The following EML4 variants were observed in gnomAD, a reference collection of about 807,000 sequenced individuals.
EML4 encodes the protein EMAP like 4.
A neutral mutation model predicts 129.0 loss-of-function variants in EML4; 72 were observed. The observed-to-expected ratio is 0.56, with a 90% CI of 0.46 to 0.68. The LOEUF (loss-of-function observed/expected upper bound fraction) is 0.68, where lower values mean the gene tolerates loss of function less well. Among genes scored for constraint, EML4 ranks in the 30% least tolerant of loss-of-function variants. EML4 has a pLI of 0.00. For synonymous variants in EML4, 532 were observed against 405.0 expected (o/e 1.31, Z -3.77); for missense variants, 1,363 against 1,190.6 (o/e 1.14, Z -2.13).
intron 1 of EML4, among the ~76,000 whole-genome samples, chr2:42,240,780 G>A (rs1466499079): frequency 1.3e-5 from 2 of 152,236 alleles, no homozygotes; most frequent in East Asian, 3.9e-4. Flanking sequence ...ATCATCCCAA[G>A]CCTGATGTAA....
At chr2:42,324,766 G>A (rs989401786) in intron 19 of EML4, among the ~76,000 whole-genome samples, 2 of 152,234 alleles carry the variant, frequency 1.3e-5, no homozygotes, top group African/African-American at 4.8e-5. Context: ...TATTGGAAAT[G>A]CTTAAGTGCT....
At chr2:42,264,182 T>A (rs1665922581) in intron 5 of EML4, among the ~76,000 whole-genome samples, 1 of 146,932 alleles carries the variant, frequency 6.8e-6, no homozygotes, top group Non-Finnish European at 1.5e-5. Flanking sequence ...ATCACTATCA[T>A]GTCTTACTGC....
Position 42,169,608 on chromosome 2 carries a change from C to G in EML4, c.-4C>G, listed in dbSNP as rs770558694. ...AGCCCGGAGCCCGGCGCTTTCCCCG[C>G]AAGATGGACGGTTTCGCCGGCAGTC... On this transcript the variant is annotated 5_prime_UTR_variant, in exon 1 of 23. Transcript: ENST00000318522. The G allele has an allele frequency of 6.3e-7, 1 of 1,599,598 alleles. No individual in the cohort carries two copies. Among genetic ancestry groups the G allele is most frequent in the South Asian group, 1.1e-5 (1 of 90,074 alleles).
At chr2:42,224,316 G>C (rs1673811128) in intron 1 of EML4, among the ~76,000 whole-genome samples, 2 of 152,048 alleles carry the variant, frequency 1.3e-5, no homozygotes, top group Admixed American at 6.6e-5. Flanking sequence ...GTAGTCTTTT[G>C]TCACTGGCTT....
At chr2:42,306,551 G>C (rs1276198759) in intron 17 of EML4, among the ~76,000 whole-genome samples, 1 of 123,900 alleles carries the variant, frequency 8.1e-6, no homozygotes, top group Non-Finnish European at 1.6e-5. Flanking sequence ...GGAGTGCAAT[G>C]GCATGATCTT....
intron 17 of EML4, among the ~76,000 whole-genome samples, chr2:42,313,246 G>T (rs1416159304): frequency 6.6e-6 from 1 of 152,084 alleles, no homozygotes; most frequent in South Asian, 2.1e-4. Context: ...ATGAGCCACC[G>T]CGCCTGGCTA....
chr2:42,325,841 G>T (rs1669781406), intron 20 of EML4, among the ~76,000 whole-genome samples: 1 of 151,232 alleles, frequency 6.6e-6, no homozygotes, highest in African/African-American at 2.4e-5. Flanking sequence ...ATAGTAATAA[G>T]AAATTACTCT....
intron 1 of EML4, among the ~76,000 whole-genome samples, chr2:42,209,474 C>G (rs1184039257): frequency 6.6e-6 from 1 of 152,110 alleles, no homozygotes; most frequent in African/African-American, 2.4e-5. Context: ...GATAATGTAA[C>G]TAGTAGGTGG....
chr2:42,175,890 A>T (rs1176965459), intron 1 of EML4, among the ~76,000 whole-genome samples: 1 of 152,168 alleles, frequency 6.6e-6, no homozygotes, highest in Non-Finnish European at 1.5e-5. Context: ...TGATGTTAAC[A>T]TGTTAATGTA....
intron 1 of EML4, among the ~76,000 whole-genome samples, chr2:42,174,910 C>T (rs1333603451): frequency 3.3e-5 from 5 of 151,426 alleles, no homozygotes; most frequent in African/African-American, 4.9e-5. Flanking sequence ...CTCCGCCTCC[C>T]GGGTTTAGGC....
In EML4 at chr2:42,220,053, C is replaced by A. The variant is rs112998558; in HGVS notation, c.26-25452C>A. Among the ~76,000 whole-genome samples the A allele has an allele frequency of 8.6e-4, 131 of 151,922 alleles. 2 individuals carry two copies. The highest frequency in any genetic ancestry group is 1.5e-3 in the Non-Finnish European group (99 of 67,976). Reference sequence around the variant, plus strand: ...GTCTTGAAGATTTATTTTGTTGCTGCACATTATTTTCACTCATAGTGTATG... The same window carrying A: ...GTCTTGAAGATTTATTTTGTTGCTGAACATTATTTTCACTCATAGTGTATG... On this transcript the variant is annotated intron_variant, in intron 1 of 22. Transcript: ENST00000318522.
At position 42,228,636 on chromosome 2, in the gene EML4, A is replaced by T. The variant is rs17029356; in HGVS notation, c.26-16869A>T. 1.0e-3 allele frequency among the ~76,000 whole-genome samples: 156 copies of T among 152,330 alleles called. 1 individual carries two copies. Among genetic ancestry groups the T allele is most frequent in the African/African-American group, 3.4e-3 (140 of 41,582 alleles). On this transcript the variant is annotated intron_variant, in intron 1 of 22. Transcript: ENST00000318522. ...ATTTCTCATGAGTATTTTGCTTTTAACAGAGAAATAACTTGCTCCAGAGAC... is the reference window on the plus strand; with the variant it reads ...ATTTCTCATGAGTATTTTGCTTTTATCAGAGAAATAACTTGCTCCAGAGAC...
chr2:42,254,880 C>T (rs1389083763), intron 2 of EML4, among the ~76,000 whole-genome samples: 1 of 151,930 alleles, frequency 6.6e-6, no homozygotes, highest in East Asian at 1.9e-4. Flanking sequence ...AAGGTGGAAA[C>T]AATCCAGATG....
At chr2:42,210,106 A>C (rs1411372087) in intron 1 of EML4, among the ~76,000 whole-genome samples, 3 of 152,114 alleles carry the variant, frequency 2.0e-5, no homozygotes, top group Non-Finnish European at 2.9e-5. Context: ...ACCCAATAAC[A>C]CATTGTATTA....
intron 1 of EML4, among the ~76,000 whole-genome samples, chr2:42,232,842 A>C (rs1674430389): frequency 6.6e-6 from 1 of 151,964 alleles, no homozygotes. Flanking sequence ...CTCCTGCCTC[A>C]GCCTCCCTAG....
intron 1 of EML4, among the ~76,000 whole-genome samples, chr2:42,183,020 G>T (rs1222960085): frequency 6.6e-6 from 1 of 152,122 alleles, no homozygotes; most frequent in Non-Finnish European, 1.5e-5. Flanking sequence ...GCCAGGCATG[G>T]TGGTGCACTC....
In EML4 at chr2:42,303,557, A is replaced by T. The variant is rs186471275; in HGVS notation, c.1899+111A>T. On this transcript the variant is annotated intron_variant, in intron 16 of 22. Coordinates refer to ENST00000318522, the MANE Select transcript of EML4 (RefSeq NM_019063.5). ...GTGTTGATTCAAACCAAATGTAAAC[A>T]TATGGTTTAGTAATAGAGGGTGGAG... The T allele has an allele frequency of 4.2e-4, 503 of 1,202,816 alleles. 3 individuals are homozygous for T. The African/African-American group carries it at 6.4e-3, about 15-fold the overall frequency. 74.5% of individuals were successfully genotyped at this position (1,202,816 alleles called of 1,614,324 possible).
At chr2:42,276,690 C>T (rs899509681) in intron 6 of EML4, among the ~76,000 whole-genome samples, 3 of 152,156 alleles carry the variant, frequency 2.0e-5, no homozygotes, top group African/African-American at 4.8e-5. Flanking sequence ...ACTTATAATT[C>T]CAAACAGTAG....
Position 42,261,191 on chromosome 2 carries a change from C to T in EML4, c.409C>T (p.Gln137Ter). The change falls in exon 4 of 23, where the codon CAA becomes TAA. Residue 137 changes from glutamine to a stop codon, truncating the protein, a stop_gained. Coordinates refer to ENST00000318522, the MANE Select transcript of EML4 (RefSeq NM_019063.5). LOFTEE classifies it high-confidence loss of function. ...AAAAGAGGAATCTCATTCTAATGAT[C>T]AAAGTCCACAAATTCGAGCATCACC... is the stretch of plus-strand genomic sequence containing the variant. The part of the protein sequence containing the change: ...EKKEESHSND[Q>*]SPQIRASPSP... The T allele has an allele frequency of 1.2e-6, 2 of 1,613,800 alleles. No individual in the cohort carries two copies. The highest frequency in any genetic ancestry group is 1.7e-6 in the Non-Finnish European group (2 of 1,179,832).
Sources: gnomAD v4.1 joint callset for allele counts (sites outside exome capture counted in the v4.1 genomes callset) on GRCh38, gnomAD v4.1.1 for gene constraint, MANE v1.5 for transcripts, NCBI Gene and HGNC (gene_info 2026-07-23, HGNC 2026-07-21) for gene names.